Variants in NMRK1 observed in about 807,000 individuals in gnomAD.
NMRK1 encodes the protein nicotinamide riboside kinase 1.
NMRK1 carries 28 observed loss-of-function variants against 29.9 expected under a neutral mutation model. The observed-to-expected ratio is 0.94, with a 90% confidence interval of 0.69 to 1.28. The LOEUF (loss-of-function observed/expected upper bound fraction) is 1.28. Ranked by LOEUF, NMRK1 falls within the 50% of genes most tolerant of loss-of-function variation. NMRK1 has a pLI of 0.00. For missense variants in NMRK1, 218 were observed against 233.1 expected, an observed-to-expected ratio of 0.94 and a Z score of 0.42; for synonymous variants, 58 against 73.0, an observed-to-expected ratio of 0.79 and a Z score of 1.05.
intron 2 of NMRK1, chr9:75,078,718 C>G (rs1342897439): frequency 2.0e-5 from 5 of 252,666 alleles, no homozygotes; most frequent in East Asian, 1.1e-4. Context: ...TGACATTCAC[C>G]AAGAGAAATC....
chr9:75,061,538 T>C lies in NMRK1; in HGVS notation c.*10A>G, dbSNP rs776490886. On this transcript the variant is annotated 3_prime_UTR_variant, in exon 9 of 9. Transcript: ENST00000361092. ...AATTCACTTCAGGAAGGATTTGTTG[T>C]GTTCCGTCTTTATGCTGTCACTTGC... 2.5e-6 allele frequency: 4 copies of C among 1,608,842 alleles called. No individual in the cohort carries two copies. Among genetic ancestry groups the C allele is most frequent in the African/African-American group, 2.7e-5 (2 of 74,762 alleles).
chr9:75,083,179 C>A, intron 1 of NMRK1, 29 bp from the exon 2 acceptor site: 1 of 1,144,256 alleles, frequency 8.7e-7, no homozygotes, highest in South Asian at 1.2e-5. Context: ...ACAAACAAAT[C>A]AAATGCATTT....
chr9:75,081,125 T>C (rs1203057322), intron 2 of NMRK1, among the ~76,000 whole-genome samples: 1 of 152,200 alleles, frequency 6.6e-6, no homozygotes, highest in African/African-American at 2.4e-5. Flanking sequence ...TTATTTGCAA[T>C]TGAATAATTA....
chr9:75,067,644 C>T (rs1823438814), intron 7 of NMRK1, among the ~76,000 whole-genome samples: 1 of 152,160 alleles, frequency 6.6e-6, no homozygotes, highest in South Asian at 2.1e-4. Flanking sequence ...CTGGAGATGA[C>T]TCAAGGTATT....
At chr9:75,087,001 G>A (rs775872592) in intron 1 of NMRK1, among the ~76,000 whole-genome samples, 3 of 151,626 alleles carry the variant, frequency 2.0e-5, no homozygotes, top group Admixed American at 6.6e-5. Flanking sequence ...CGCCTTCTGG[G>A]TTCAAGTGAT....
Position 75,061,219 on chromosome 9 carries a change from T to C in NMRK1, c.*329A>G. The C allele has an allele frequency of 3.3e-6, 1 of 300,704 alleles. No individual in the cohort carries two copies. The highest frequency in any genetic ancestry group is 6.2e-6 in the Non-Finnish European group (1 of 161,842). The allele number at this position is 300,704 out of a possible 1,614,324, so 18.6% of individuals were successfully genotyped here. A position where few individuals can be genotyped will look rare whatever the true frequency, so the allele number is the denominator to read the frequency against. On this transcript the variant is annotated 3_prime_UTR_variant, in exon 9 of 9. Coordinates refer to ENST00000361092, the MANE Select transcript of NMRK1 (RefSeq NM_017881.3). Reference sequence around the variant, plus strand: ...CAGATATTGGATTGTGATGTAATCTTTATTTCTTACTCTGAGCTCCAGTTA... The same window carrying C: ...CAGATATTGGATTGTGATGTAATCTCTATTTCTTACTCTGAGCTCCAGTTA...
intron 1 of NMRK1, among the ~76,000 whole-genome samples, chr9:75,087,047 A>T (rs12001644): frequency 0.035 from 5,343 of 152,058 alleles, 127 homozygotes; most frequent in African/African-American, 0.062. Flanking sequence ...CTGGGACTAC[A>T]GGCGTCTGCC....
chr9:75,069,495 T>A, intron 6 of NMRK1: 1 of 504,096 alleles, frequency 2.0e-6, no homozygotes, highest in East Asian at 3.7e-5. Context: ...TGGGCTTGCT[T>A]TGTTTGAGGA....
chr9:75,061,979 C>G (rs970113094), intron 8 of NMRK1, among the ~76,000 whole-genome samples: 1 of 152,154 alleles, frequency 6.6e-6, no homozygotes, highest in African/African-American at 2.4e-5. Context: ...CTTGATTTGG[C>G]ATAGAAATTC....
chr9:75,061,462 G>T lies in NMRK1; in HGVS notation c.*86C>A. On this transcript the variant is annotated 3_prime_UTR_variant, in exon 9 of 9. Coordinates refer to ENST00000361092, the MANE Select transcript of NMRK1 (RefSeq NM_017881.3). ...AAACAATGGCTGTCATTGTACCACA[G>T]TATACATTGTATCTTGGTGAAGGTT... is the stretch of plus-strand genomic sequence containing the variant. The T allele has an allele frequency of 1.0e-6, 1 of 967,642 alleles. No homozygotes were observed. The highest frequency in any genetic ancestry group is 1.6e-6 in the Non-Finnish European group (1 of 611,178). 59.9% of individuals were successfully genotyped at this position (967,642 alleles called of 1,614,324 possible). A position where few individuals can be genotyped will look rare whatever the true frequency, so the allele number is the denominator to read the frequency against.
intron 7 of NMRK1, 90 bp downstream of exon 7, chr9:75,068,906 C>A: frequency 1.2e-6 from 1 of 840,660 alleles, no homozygotes; most frequent in East Asian, 2.5e-5. Flanking sequence ...TTAAGCATCC[C>A]TTTATACTTT....
At position 75,077,160 on chromosome 9, in the gene NMRK1, A is replaced by T. The variant is rs375703481; in HGVS notation, c.168T>A (p.Asp56Glu). 10 of 1,562,874 alleles carry T rather than the reference A, an allele frequency of 6.4e-6. No individual in the cohort carries two copies. Among genetic ancestry groups the T allele is most frequent in the Non-Finnish European group, 7.9e-6 (9 of 1,137,786 alleles). Residue 56 changes from aspartate to glutamate, a missense_variant and splice_region_variant, in exon 4 of 9, where the codon GAT becomes GAA. By Grantham distance (45) the Asp-to-Glu change is conservative. Coordinates refer to ENST00000361092, the MANE Select transcript of NMRK1 (RefSeq NM_017881.3). Reference protein sequence around the residue: ...ETDKNGFLQYDVLEALNMEKM... With the variant: ...ETDKNGFLQYEVLEALNMEKM... ...TATTTGACAAGTAAATCTACTTACC[A>T]TCGTACTGCAAAAATCCATTTTTAT...
intron 2 of NMRK1, among the ~76,000 whole-genome samples, 180 bp from the exon 3 acceptor site, chr9:75,077,760 C>T (rs955200857): frequency 2.6e-5 from 4 of 151,904 alleles, no homozygotes; most frequent in Non-Finnish European, 2.9e-5. Flanking sequence ...CTCAGCCTCC[C>T]GAGGAGCTGG....
At chr9:75,062,599 T>C (rs1043198948) in intron 8 of NMRK1, among the ~76,000 whole-genome samples, 2 of 152,238 alleles carry the variant, frequency 1.3e-5, no homozygotes, top group South Asian at 4.1e-4. Flanking sequence ...CATGGCTGAT[T>C]AACTACACTG....
chr9:75,075,255 A>G (rs1823922058), intron 4 of NMRK1, among the ~76,000 whole-genome samples: 1 of 152,214 alleles, frequency 6.6e-6, no homozygotes, highest in Non-Finnish European at 1.5e-5. Context: ...AATTAGAAAT[A>G]GTAATTCTTT....
At chr9:75,076,698 T>C (rs1423453796) in intron 4 of NMRK1, among the ~76,000 whole-genome samples, 1 of 152,172 alleles carries the variant, frequency 6.6e-6, no homozygotes, top group Non-Finnish European at 1.5e-5. Context: ...AAAGTGATCC[T>C]CCCACCTTAG....
Position 75,061,568 on chromosome 9 carries a change from C to T in NMRK1, c.581-1G>A. 6.2e-7 allele frequency: 1 copy of T among 1,607,838 alleles called. No individual in the cohort carries two copies. Among genetic ancestry groups the T allele is most frequent in the Non-Finnish European group, 8.5e-7 (1 of 1,175,452 alleles). The stretch of plus-strand genomic sequence containing the variant: ...CGTCTTTATGCTGTCACTTGCAAAC[C>T]TTGGGAATAAACATAAAAAGAAATT... On this transcript the variant is annotated splice_acceptor_variant, in intron 8 of 8. Transcript: ENST00000361092. LOFTEE classifies it high-confidence loss of function.
In NMRK1 at chr9:75,069,826, C is replaced by G; in HGVS notation, c.318-13G>C. ...AGTGTCAAGGGGCCTAAAATAACAG[C>G]ATACTTAGTTCACAAGGGTTTTTAT... is the stretch of plus-strand genomic sequence containing the variant. On this transcript the variant is annotated splice_polypyrimidine_tract_variant and intron_variant, in intron 5 of 8. Coordinates refer to ENST00000361092, the MANE Select transcript of NMRK1 (RefSeq NM_017881.3). 1 of 1,612,276 alleles carries G rather than the reference C, an allele frequency of 6.2e-7. No homozygotes were observed. Among genetic ancestry groups the G allele is most frequent in the Non-Finnish European group, 8.5e-7 (1 of 1,179,122 alleles).
intron 2 of NMRK1, 54 bp from the exon 3 acceptor site, chr9:75,077,634 A>G: frequency 2.3e-6 from 3 of 1,278,898 alleles, no homozygotes; most frequent in Admixed American, 3.9e-5. Flanking sequence ...AAAAATCATT[A>G]AACACTTTTT....
Sources: allele counts gnomAD v4.1 joint callset (sites outside exome capture counted in the v4.1 genomes callset), GRCh38; gene constraint gnomAD v4.1.1; transcripts MANE v1.5; gene names NCBI Gene and HGNC (gene_info 2026-07-23, HGNC 2026-07-21).